The following NEK8 variants were observed in gnomAD, a reference collection of about 807,000 sequenced individuals.
NEK8 encodes NIMA related kinase 8, also known as serine/threonine-protein kinase Nek8.
In NEK8, 51 loss-of-function variants were observed where a neutral mutation model predicts 77.2. That is an observed-to-expected ratio of 0.66 (90% CI 0.53 to 0.83). The LOEUF is 0.83. Ranked by LOEUF, NEK8 falls within the 40% of genes least tolerant of loss-of-function variation. NEK8 has a pLI of 0.00. For synonymous variants in NEK8, 365 were observed against 363.2 expected (o/e 1.00, Z -0.06); for missense variants, 787 against 909.2 (o/e 0.87, Z 1.73).
At chr17:28,738,973 C>A in intron 9 of NEK8, 111 bp from the exon 10 acceptor site, 1 of 913,652 alleles carries the variant, frequency 1.1e-6, no homozygotes, top group Non-Finnish European at 1.8e-6. Flanking sequence ...TTTAAAGACA[C>A]AGCCACCTCC....
intron 2 of NEK8, 23 bp from the exon 3 acceptor site, chr17:28,734,749 T>C: frequency 1.9e-6 from 3 of 1,561,560 alleles, no homozygotes; most frequent in Non-Finnish European, 2.6e-6. Flanking sequence ...AGCCTGGATC[T>C]TGATTAGTCC....
In NEK8 at chr17:28,741,060, C is replaced by G; in HGVS notation, c.1733-18C>G. On this transcript the variant is annotated intron_variant, in intron 12 of 14. Coordinates refer to ENST00000268766, the MANE Select transcript of NEK8 (RefSeq NM_178170.3). The surrounding 1 kb of genome is among the most constrained non-coding windows in gnomAD (Gnocchi z 4.5). ...TGGTACCCTGTTGAAGCACCCCTTTCCTTCCTCTCCCCCATAGCCTCGGGT... is the reference window on the plus strand; with the variant it reads ...TGGTACCCTGTTGAAGCACCCCTTTGCTTCCTCTCCCCCATAGCCTCGGGT... The G allele has an allele frequency of 6.2e-7, 1 of 1,614,218 alleles. No homozygotes were observed. Among genetic ancestry groups the G allele is most frequent in the African/African-American group, 1.3e-5 (1 of 75,058 alleles).
chr17:28,738,190 G>A lies in NEK8; in HGVS notation c.1167G>A (p.Ser389=), dbSNP rs773902843. ...TCTCGCGTTTCCTGGAGGGCCAGTC[G>A]GGTGTGACCATCAAGCACGTGGCCT... ...QFISRFLEGQ[S]GVTIKHVACG... Residue 389 remains serine, a synonymous_variant, in exon 8 of 15, where the codon TCG becomes TCA. Coordinates refer to ENST00000268766, the MANE Select transcript of NEK8 (RefSeq NM_178170.3). 28 of 1,614,050 alleles carry A rather than the reference G, an allele frequency of 1.7e-5. No individual in the cohort carries two copies. The highest frequency in any genetic ancestry group is 7.7e-5 in the South Asian group (7 of 91,084).
At position 28,737,179 on chromosome 17, in the gene NEK8, T is replaced by C. The variant is rs2034372832; in HGVS notation, c.619-127T>C. 7.7e-6 allele frequency: 7 copies of C among 911,556 alleles called. No individual in the cohort carries two copies. Among genetic ancestry groups the C allele is most frequent in the Middle Eastern group, 2.4e-4 (1 of 4,174 alleles). The allele number at this position is 911,556 out of a possible 1,614,324, so 56.5% of individuals were successfully genotyped here. ...TGCTGTTTTGGTTACTGTAGCCTTG[T>C]AGTATAGTTTGAAGTCAGGTAGCAT... On this transcript the variant is annotated intron_variant, in intron 4 of 14. Transcript: ENST00000268766. The surrounding 1 kb of genome is among the most constrained non-coding windows in gnomAD (Gnocchi z 4.8).
In NEK8 at chr17:28,738,226, C is replaced by T. The variant is rs1427173349; in HGVS notation, c.1203C>T (p.Phe401=). ...TCAAGCACGTGGCCTGTGGGGACTTCTTCACTGCCTGCCTGACTGGTGAGT... is the reference window on the plus strand; with the variant it reads ...TCAAGCACGTGGCCTGTGGGGACTTTTTCACTGCCTGCCTGACTGGTGAGT... ...VTIKHVACGD[F]FTACLTDRGI... Residue 401 remains phenylalanine, a synonymous_variant, in exon 8 of 15, where the codon TTC becomes TTT. Coordinates refer to ENST00000268766, the MANE Select transcript of NEK8 (RefSeq NM_178170.3). 3 of 1,614,156 alleles carry T rather than the reference C, an allele frequency of 1.9e-6. No homozygotes were observed. The highest frequency in any genetic ancestry group is 4.5e-5 in the East Asian group (2 of 44,878).
intron 8 of NEK8, 115 bp downstream of exon 8, chr17:28,738,360 A>G: frequency 1.6e-6 from 2 of 1,276,346 alleles, no homozygotes; most frequent in Non-Finnish European, 2.3e-6. Flanking sequence ...TTATCGAGTT[A>G]TTGCTTCTGT....
Position 28,741,930 on chromosome 17 carries a change from T to G in NEK8, c.2051-29T>G, listed in dbSNP as rs749931144. On this transcript the variant is annotated intron_variant, in intron 14 of 14. Coordinates refer to ENST00000268766, the MANE Select transcript of NEK8 (RefSeq NM_178170.3). This position sits in a 1 kb window ranked among gnomAD's most constrained non-coding sequence, Gnocchi z 4.5. ...TTCTGGAGGCACTGCCCTCAGAAGC[T>G]GCAAGGGTTTCTCTTCGGTACCCTC... The G allele has an allele frequency of 2.5e-6, 4 of 1,613,834 alleles. No individual in the cohort carries two copies. The South Asian group carries it at 3.3e-5, about 13-fold the overall frequency.
intron 1 of NEK8, among the ~76,000 whole-genome samples, chr17:28,730,043 A>G (rs1171538691): frequency 1.3e-5 from 2 of 152,198 alleles, no homozygotes; most frequent in Non-Finnish European, 2.9e-5. Flanking sequence ...GTAATTGTCG[A>G]GGGCGGGGAC....
chr17:28,738,044 C>G, intron 7 of NEK8, 44 bp downstream of exon 7: 1 of 1,612,914 alleles, frequency 6.2e-7, no homozygotes, highest in Non-Finnish European at 8.5e-7. Context: ...AGGTGGAGGT[C>G]CACAGCAGGG....
Position 28,737,184 on chromosome 17 carries a change from T to G in NEK8, c.619-122T>G. 1.0e-6 allele frequency: 1 copy of G among 954,646 alleles called. No homozygotes were observed. The highest frequency in any genetic ancestry group is 1.6e-6 in the Non-Finnish European group (1 of 616,116). 59.1% of individuals were successfully genotyped at this position (954,646 alleles called of 1,614,324 possible). On this transcript the variant is annotated intron_variant, in intron 4 of 14. Transcript: ENST00000268766. The surrounding 1 kb of genome is among the most constrained non-coding windows in gnomAD (Gnocchi z 4.8). ...TTTTGGTTACTGTAGCCTTGTAGTA[T>G]AGTTTGAAGTCAGGTAGCATGATGC...
chr17:28,734,618 G>A (rs966731059), intron 2 of NEK8, 154 bp from the exon 3 acceptor site: 19 of 637,570 alleles, frequency 3.0e-5, no homozygotes, highest in Admixed American at 1.0e-4. Flanking sequence ...CGGGAGGGGG[G>A]GCTTGCAGCA....
rs1387069389 is a variant in NEK8 at position 28,735,213 on chromosome 17, G to A, written c.487-27G>A. ...GCCCCTGGTCTTCCCTCCCTGCAGG[G>A]CTGTGATCCCAGCTTCTATCCTGCA... On this transcript the variant is annotated intron_variant, in intron 3 of 14. Coordinates refer to ENST00000268766, the MANE Select transcript of NEK8 (RefSeq NM_178170.3). 6 of 1,613,740 alleles carry A rather than the reference G, an allele frequency of 3.7e-6. No homozygotes were observed. In the African/African-American group the frequency reaches 6.7e-5, roughly 18 times the overall value.
chr17:28,730,277 ATTTTTTTT>A (rs36102062), intron 1 of NEK8, among the ~76,000 whole-genome samples: 4 of 89,266 alleles, frequency 4.5e-5, no homozygotes, highest in African/African-American at 5.3e-5. Flanking sequence ...CAACCGGCTA[ATTTTTTTT>A]TTTTTTTTTT....
At chr17:28,736,868 T>TA (rs2151732527) in intron 4 of NEK8, among the ~76,000 whole-genome samples, 1 of 152,384 alleles carries the variant, frequency 6.6e-6, no homozygotes, top group South Asian at 2.1e-4. Context: ...TGAATGGTAT[T>TA]GCCTAGGTAT....
Position 28,737,934 on chromosome 17 carries a change from C to T in NEK8, c.1005C>T (p.Val335=), listed in dbSNP as rs1307176107. The T allele has an allele frequency of 1.2e-6, 2 of 1,613,206 alleles. No individual in the cohort carries two copies. The highest frequency in any genetic ancestry group is 1.7e-5 in the Admixed American group (1 of 60,018). The change falls in exon 7 of 15, where the codon GTC becomes GTT. Residue 335 remains valine (V), a synonymous_variant. Transcript: ENST00000268766. This position sits in a 1 kb window ranked among gnomAD's most constrained non-coding sequence, Gnocchi z 4.8. ...LRLPMLNTEV[V]QVAAGRTQKA... is the part of the protein sequence containing the mutation. ...TGCCAATGCTCAACACAGAGGTGGT[C>T]CAGGTGGCAGCTGGGCGCACGCAGA...
chr17:28,738,800 C>T lies in NEK8; in HGVS notation c.1299+53C>T, dbSNP rs1315331925. The stretch of plus-strand genomic sequence containing the variant: ...GGAAGTCGGGGGATGGCGGGGAGCC[C>T]ACATCTGTGAGTTGACACCAGATTG... On this transcript the variant is annotated intron_variant, in intron 9 of 14. Coordinates refer to ENST00000268766, the MANE Select transcript of NEK8 (RefSeq NM_178170.3). The T allele has an allele frequency of 2.2e-5, 31 of 1,429,072 alleles. 1 individual carries two copies. In the Admixed American group the frequency reaches 4.5e-4, roughly 21 times the overall value. 88.5% of individuals were successfully genotyped at this position (1,429,072 alleles called of 1,614,324 possible). A position where few individuals can be genotyped will look rare whatever the true frequency, so the allele number is the denominator to read the frequency against.
chr17:28,736,083 A>G (rs1390732011), intron 4 of NEK8, among the ~76,000 whole-genome samples: 5 of 152,256 alleles, frequency 3.3e-5, no homozygotes, highest in South Asian at 2.1e-4. Flanking sequence ...AGCTCCATCC[A>G]TGTCCTACAA....
rs2034411835 is a variant in NEK8, at chr17:28,740,689, C to T, written c.1568+76C>T. 1 of 1,593,132 alleles carries T rather than the reference C, an allele frequency of 6.3e-7. No individual in the cohort carries two copies. The highest frequency in any genetic ancestry group is 1.3e-5 in the African/African-American group (1 of 74,640). ...AAGTGCTCCGTCCATCATTGCCTAC[C>T]TTTCACCAAAGACCAGAATTGAGGG... On this transcript the variant is annotated intron_variant, in intron 11 of 14. Coordinates refer to ENST00000268766, the MANE Select transcript of NEK8 (RefSeq NM_178170.3). This position sits in a 1 kb window ranked among gnomAD's most constrained non-coding sequence, Gnocchi z 4.7.
chr17:28,735,327 G>A lies in NEK8; in HGVS notation c.574G>A (p.Val192Ile). The A allele has an allele frequency of 6.2e-7, 1 of 1,614,086 alleles. No individual in the cohort carries two copies. The highest frequency in any genetic ancestry group is 8.5e-7 in the Non-Finnish European group (1 of 1,179,958). The change falls in exon 4 of 15, where the codon GTC becomes ATC. Residue 192 changes from valine (V) to isoleucine (I), a missense_variant. Physicochemically the swap from Val to Ile is conservative, Grantham distance 29. Coordinates refer to ENST00000268766, the MANE Select transcript of NEK8 (RefSeq NM_178170.3). ...GAGTGACATCTGGGCCCTGGGCTGT[G>A]TCCTCTACGAGCTGGCCAGCCTCAA... ...QKSDIWALGC[V>I]LYELASLKRA... is the part of the protein sequence containing the mutation.
Sources: gnomAD v4.1 joint callset for allele counts (sites outside exome capture counted in the v4.1 genomes callset) on GRCh38, gnomAD v4.1.1 for gene constraint, Gnocchi (gnomAD v3.1) non-coding constraint, MANE v1.5 for transcripts, NCBI Gene and HGNC (gene_info 2026-07-23, HGNC 2026-07-21) for gene names.